ST6GALNAC5: variants seen among roughly 807,000 people sequenced by gnomAD.
ST6GALNAC5 encodes ST6 N-acetylgalactosaminide alpha-2,6-sialyltransferase 5, also known as alpha-N-acetylgalactosaminide alpha-2,6-sialyltransferase 5.
A neutral mutation model predicts 33.6 loss-of-function variants in ST6GALNAC5; 27 were observed. The observed-to-expected ratio is 0.80, with a 90% confidence interval of 0.59 to 1.11. The LOEUF (loss-of-function observed/expected upper bound fraction) is 1.11. Ranked by LOEUF, ST6GALNAC5 falls within the 50% of genes least tolerant of loss-of-function variation. The pLI is 0.00. For missense variants in ST6GALNAC5, 428 were observed against 454.0 expected, an observed-to-expected ratio of 0.94 and a Z score of 0.52; for synonymous variants, 194 against 171.2, an observed-to-expected ratio of 1.13 and a Z score of -1.04.
At chr1:76,920,372 T>C (rs1647017643) in intron 2 of ST6GALNAC5, among the ~76,000 whole-genome samples, 1 of 152,224 alleles carries the variant, frequency 6.6e-6, no homozygotes, top group Non-Finnish European at 1.5e-5. Context: ...TGACTGATAA[T>C]CTTTGGTGAA....
intron 2 of ST6GALNAC5, among the ~76,000 whole-genome samples, chr1:76,987,968 C>T (rs951377121): frequency 5.9e-5 from 9 of 152,052 alleles, no homozygotes; most frequent in Non-Finnish European, 1.0e-4. Flanking sequence ...AATATGTTTT[C>T]CAAACTTTTA....
At chr1:77,005,261 C>T (rs996061698) in intron 2 of ST6GALNAC5, among the ~76,000 whole-genome samples, 2 of 152,196 alleles carry the variant, frequency 1.3e-5, no homozygotes, top group Admixed American at 6.5e-5. Context: ...TTTCCAGGTG[C>T]GTCTGTCACC....
intron 4 of ST6GALNAC5, among the ~76,000 whole-genome samples, chr1:77,060,513 C>T (rs1045718112): frequency 1.2e-4 from 18 of 152,094 alleles, no homozygotes; most frequent in Non-Finnish European, 2.2e-4. Context: ...GGTAGATGTT[C>T]CTGCAGTTTC....
At chr1:76,923,035 T>A (rs942929206) in intron 2 of ST6GALNAC5, among the ~76,000 whole-genome samples, 2 of 151,920 alleles carry the variant, frequency 1.3e-5, no homozygotes, top group African/African-American at 4.8e-5. Context: ...TGAACATCCA[T>A]AGGCAAAAAG....
Position 76,868,739 on chromosome 1 carries a change from C to T in ST6GALNAC5, c.258C>T (p.His86=). The T allele has an allele frequency of 6.7e-7, 1 of 1,502,506 alleles. No individual in the cohort carries two copies. Among genetic ancestry groups the T allele is most frequent in the Non-Finnish European group, 8.9e-7 (1 of 1,128,788 alleles). The allele number at this position is 1,502,506 out of a possible 1,614,324, so 93.1% of individuals were successfully genotyped here. The change falls in exon 2 of 5, where the codon CAC becomes CAT. Residue 86 remains histidine, a synonymous_variant. Coordinates refer to ENST00000477717, the MANE Select transcript of ST6GALNAC5 (RefSeq NM_030965.3). This position sits in a 1 kb window ranked among gnomAD's most constrained non-coding sequence, Gnocchi z 4.3. ...PLDGYLGVAD[H]KPLKMHCRDC... ...ACGGATACCTCGGAGTGGCGGACCA[C>T]AAGGTGACAGCATGCCCGCCAGCCC...
chr1:76,982,818 C>T (rs890389080), intron 2 of ST6GALNAC5, among the ~76,000 whole-genome samples: 23 of 151,018 alleles, frequency 1.5e-4, no homozygotes, highest in African/African-American at 1.9e-4. Flanking sequence ...GATCTCTCAG[C>T]GGAAAGCCTA....
chr1:76,892,975 A>G (rs919088666), intron 2 of ST6GALNAC5, among the ~76,000 whole-genome samples: 4 of 152,050 alleles, frequency 2.6e-5, no homozygotes, highest in Non-Finnish European at 5.9e-5. Flanking sequence ...AGCAAATACC[A>G]TTTACTAGGG....
chr1:76,965,755 T>C (rs1040283575), intron 2 of ST6GALNAC5, among the ~76,000 whole-genome samples: 13 of 152,244 alleles, frequency 8.5e-5, no homozygotes, highest in Non-Finnish European at 1.8e-4. Context: ...AACATTTAAG[T>C]CTTTAATCCA....
intron 2 of ST6GALNAC5, among the ~76,000 whole-genome samples, chr1:76,872,438 A>G (rs999163017): frequency 6.6e-6 from 1 of 152,148 alleles, no homozygotes; most frequent in Admixed American, 6.6e-5. Context: ...GATTTTACAC[A>G]TACCAATAAC....
intron 2 of ST6GALNAC5, among the ~76,000 whole-genome samples, chr1:76,959,239 T>A (rs571031581): frequency 6.6e-6 from 1 of 152,322 alleles, no homozygotes; most frequent in Admixed American, 6.5e-5. Context: ...ATATTTAATG[T>A]CTAGAAACTC....
chr1:76,953,317 C>T (rs1222840838), intron 2 of ST6GALNAC5, among the ~76,000 whole-genome samples: 1 of 152,152 alleles, frequency 6.6e-6, no homozygotes, highest in African/African-American at 2.4e-5. Flanking sequence ...GATCAAGCTT[C>T]TCTGTATTCT....
chr1:77,010,873 C>T (rs1650609337), intron 2 of ST6GALNAC5, among the ~76,000 whole-genome samples: 1 of 152,234 alleles, frequency 6.6e-6, no homozygotes, highest in Non-Finnish European at 1.5e-5. Context: ...CACCAGTTCT[C>T]CTGAAAATGA....
intron 2 of ST6GALNAC5, among the ~76,000 whole-genome samples, chr1:76,890,207 A>G (rs1333027039): frequency 6.6e-6 from 1 of 152,190 alleles, no homozygotes; most frequent in Non-Finnish European, 1.5e-5. Context: ...ACACATGCCA[A>G]TAGTATGAAT....
At chr1:77,062,011 C>G (rs565138011) in intron 4 of ST6GALNAC5, among the ~76,000 whole-genome samples, 1 of 152,254 alleles carries the variant, frequency 6.6e-6, no homozygotes, top group South Asian at 2.1e-4. Flanking sequence ...TGCTGTCTTC[C>G]TTTTTCTCCC....
At chr1:76,958,993 G>C (rs1045795848) in intron 2 of ST6GALNAC5, among the ~76,000 whole-genome samples, 5 of 152,092 alleles carry the variant, frequency 3.3e-5, no homozygotes, top group African/African-American at 1.2e-4. Flanking sequence ...AGGCCTCACT[G>C]CCTCCTCCTC....
chr1:76,941,256 G>T (rs1188897824), intron 2 of ST6GALNAC5, among the ~76,000 whole-genome samples: 2 of 152,092 alleles, frequency 1.3e-5, no homozygotes, highest in Non-Finnish European at 2.9e-5. Context: ...GCATGTAACA[G>T]GCGGCAATAT....
intron 2 of ST6GALNAC5, among the ~76,000 whole-genome samples, chr1:76,990,767 G>A (rs1361971605): frequency 6.6e-6 from 1 of 152,178 alleles, no homozygotes; most frequent in Non-Finnish European, 1.5e-5. Flanking sequence ...TGGGTGATTT[G>A]AGAATTTAAT....
At chr1:76,978,609 T>C (rs1321411235) in intron 2 of ST6GALNAC5, among the ~76,000 whole-genome samples, 1 of 152,192 alleles carries the variant, frequency 6.6e-6, no homozygotes, top group African/African-American at 2.4e-5. Flanking sequence ...ACAAATTGCA[T>C]ATCAAAGGAA....
intron 2 of ST6GALNAC5, among the ~76,000 whole-genome samples, chr1:77,016,220 A>G (rs71658779): frequency 0.018 from 371 of 20,592 alleles, 6 homozygotes; most frequent in African/African-American, 0.068. Context: ...CTCCTCCTGT[A>G]TCTCCTCCCC....
Sources: gnomAD v4.1 joint callset for allele counts (sites outside exome capture counted in the v4.1 genomes callset) on GRCh38, gnomAD v4.1.1 for gene constraint, Gnocchi (gnomAD v3.1) non-coding constraint, MANE v1.5 for transcripts, NCBI Gene and HGNC (gene_info 2026-07-23, HGNC 2026-07-21) for gene names.